The following COQ3 variants were observed in gnomAD, a reference collection of about 807,000 sequenced individuals.
COQ3 encodes the protein coenzyme Q3, methyltransferase, also known as ubiquinone biosynthesis O-methyltransferase, mitochondrial.
A neutral mutation model predicts 33.1 loss-of-function variants in COQ3; 29 were observed. The observed-to-expected ratio is 0.88, with a 90% CI of 0.65 to 1.19. The LOEUF is 1.19. Among genes scored for constraint, COQ3 ranks in the 50% most tolerant of loss-of-function variants. The probability of loss-of-function intolerance (pLI) is 0.00; values close to 1 mark genes in which losing one functional copy is unlikely to be tolerated. For synonymous variants in COQ3, 173 were observed against 157.8 expected, an observed-to-expected ratio of 1.10 and a Z score of -0.72; for missense variants, 437 against 430.7, an observed-to-expected ratio of 1.01 and a Z score of -0.13.
rs961112236 is a variant in COQ3, at chr6:99,375,932, A to C, written c.729+8T>G. 1 of 1,613,634 alleles carries C rather than the reference A, an allele frequency of 6.2e-7. No individual in the cohort carries two copies. The highest frequency in any genetic ancestry group is 1.3e-5 in the African/African-American group (1 of 74,938). On this transcript the variant is annotated splice_region_variant and intron_variant, in intron 5 of 6. Coordinates refer to ENST00000254759, the MANE Select transcript of COQ3 (RefSeq NM_017421.4). ...AAGAAACCAAGATGTAAACTCCATA[A>C]GCCTTACTTTTAACACTTGACAGCA...
At chr6:99,379,809 G>A (rs923529994) in intron 3 of COQ3, among the ~76,000 whole-genome samples, 2 of 151,432 alleles carry the variant, frequency 1.3e-5, no homozygotes, top group African/African-American at 4.9e-5. Context: ...GAATCAAGAC[G>A]GTGACATTGC....
At chr6:99,386,461 A>G (rs1261772347) in intron 1 of COQ3, among the ~76,000 whole-genome samples, 1 of 152,160 alleles carries the variant, frequency 6.6e-6, no homozygotes, top group Non-Finnish European at 1.5e-5. Flanking sequence ...ATAAATAAAA[A>G]TGAAAATCAA....
intron 1 of COQ3, among the ~76,000 whole-genome samples, chr6:99,392,782 C>T (rs1224345898): frequency 2.6e-5 from 4 of 152,104 alleles, no homozygotes; most frequent in South Asian, 2.1e-4. Context: ...CCTGCCGCCA[C>T]GCCCAGCTAA....
chr6:99,377,643 A>G (rs1774335802), intron 3 of COQ3, among the ~76,000 whole-genome samples, 158 bp from the exon 4 acceptor site: 1 of 152,228 alleles, frequency 6.6e-6, no homozygotes, highest in South Asian at 2.1e-4. Flanking sequence ...TTAATTTATA[A>G]AACATTTTCA....
chr6:99,384,132 TG>T (rs1179829071), intron 1 of COQ3, among the ~76,000 whole-genome samples: 2 of 152,178 alleles, frequency 1.3e-5, no homozygotes, highest in Non-Finnish European at 2.9e-5. Flanking sequence ...CTGAAACTCC[TG>T]GGCTCAAGGG....
chr6:99,391,263 T>C (rs1015607896), intron 1 of COQ3, among the ~76,000 whole-genome samples: 1 of 149,416 alleles, frequency 6.7e-6, no homozygotes, highest in Non-Finnish European at 1.5e-5. Flanking sequence ...CATGCCTGGC[T>C]AAATTTTGTA....
At chr6:99,381,212 A>T (rs1582724347) in intron 2 of COQ3, among the ~76,000 whole-genome samples, 1 of 152,310 alleles carries the variant, frequency 6.6e-6, no homozygotes, top group Non-Finnish European at 1.5e-5. Context: ...TCTAACTGGT[A>T]GCTGATTCCT....
At chr6:99,375,639 C>T (rs1307651538) in intron 5 of COQ3, among the ~76,000 whole-genome samples, 1 of 152,136 alleles carries the variant, frequency 6.6e-6, no homozygotes, top group Non-Finnish European at 1.5e-5. Context: ...CCCACCTTGG[C>T]CTCCCAAAGT....
chr6:99,369,725 A>G lies in COQ3; in HGVS notation c.985T>C (p.Tyr329His), dbSNP rs4144164. 0.99 allele frequency: 1,599,019 copies of G among 1,613,722 alleles called. 793,332 individuals are homozygous for G. The highest frequency in any genetic ancestry group is 1 in the East Asian group (44,867 of 44,868). Residue 329 changes from tyrosine to histidine, a missense_variant, in exon 7 of 7, where the codon TAT becomes CAT. Tyr to His is a moderately conservative substitution (Grantham distance 83, BLOSUM62 2). Coordinates refer to ENST00000254759, the MANE Select transcript of COQ3 (RefSeq NM_017421.4). ...SENTSLNYAA[Y>H]AVKSRVQEHP... is the part of the protein sequence containing the mutation. ...TCCTGGACCCTGGATTTCACAGCAT[A>G]AGCTGCATAGTTAAGGCTGGTATTT...
chr6:99,383,590 A>T, intron 2 of COQ3, 108 bp downstream of exon 2: 1 of 784,264 alleles, frequency 1.3e-6, no homozygotes, highest in Non-Finnish European at 1.9e-6. Flanking sequence ...AAGCTACTTT[A>T]ATCAAGACAC....
intron 1 of COQ3, among the ~76,000 whole-genome samples, chr6:99,389,395 G>A (rs918292506): frequency 6.6e-6 from 1 of 152,116 alleles, no homozygotes; most frequent in Non-Finnish European, 1.5e-5. Context: ...AAAGTGTTGG[G>A]AATACAGACG....
intron 3 of COQ3, among the ~76,000 whole-genome samples, chr6:99,377,973 C>G (rs1437650947): frequency 6.6e-6 from 1 of 151,280 alleles, no homozygotes; most frequent in Non-Finnish European, 1.5e-5. Context: ...CATGTATGAG[C>G]ATGTAAACAG....
At chr6:99,379,764 A>T (rs1490389164) in intron 3 of COQ3, among the ~76,000 whole-genome samples, 1 of 152,072 alleles carries the variant, frequency 6.6e-6, no homozygotes, top group Non-Finnish European at 1.5e-5. Flanking sequence ...CTGAGGCAGG[A>T]GAATCGCTTG....
rs537458463 is a variant in COQ3 at position 99,369,631 on chromosome 6, T to C, written c.1079A>G (p.Asn360Ser). The C allele has an allele frequency of 3.4e-4, 542 of 1,614,064 alleles. 6 individuals carry two copies. In the South Asian group the frequency reaches 5.2e-3, roughly 16 times the overall value. ...TEELQANACT[N>S]PAVHEKLKK ...CTTCAGCTTTTCATGCACAGCTGGATTGGTGCAGGCATTAGCTTGGAGCTC... is the reference window on the plus strand; with the variant it reads ...CTTCAGCTTTTCATGCACAGCTGGACTGGTGCAGGCATTAGCTTGGAGCTC... Residue 360 changes from asparagine (N) to serine (S), a missense_variant, in exon 7 of 7, where the codon AAT becomes AGT. Transcript: ENST00000254759.
At chr6:99,382,423 G>C (rs752741587) in intron 2 of COQ3, among the ~76,000 whole-genome samples, 2 of 152,146 alleles carry the variant, frequency 1.3e-5, no homozygotes, top group South Asian at 2.1e-4. Flanking sequence ...CACATAAAGA[G>C]AGCATATTCT....
intron 1 of COQ3, among the ~76,000 whole-genome samples, chr6:99,384,792 A>G (rs1774571676): frequency 6.6e-6 from 1 of 152,162 alleles, no homozygotes; most frequent in Admixed American, 6.6e-5. Context: ...GGGATAATCC[A>G]CCAAGAAGAA....
At chr6:99,385,303 T>C (rs561216439) in intron 1 of COQ3, among the ~76,000 whole-genome samples, 1 of 152,102 alleles carries the variant, frequency 6.6e-6, no homozygotes, top group African/African-American at 2.4e-5. Flanking sequence ...TTCAATAAAA[T>C]CTACTTAAAA....
Position 99,391,098 on chromosome 6 carries a change from T to TATTTATTG in COQ3, c.106+2975_106+2976insCAATAAAT, listed in dbSNP as rs1554209266. On this transcript the variant is annotated intron_variant, in intron 1 of 6. Coordinates refer to ENST00000254759, the MANE Select transcript of COQ3 (RefSeq NM_017421.4). ...CATTTTATTTATTTATTTATTTATT[T>TATTTATTG]ATTTATTTATTTATTTATGAGACAG... 3.5e-3 allele frequency among the ~76,000 whole-genome samples: 471 copies of TATTTATTG among 133,764 alleles called. 5 individuals are homozygous for TATTTATTG. Among genetic ancestry groups the TATTTATTG allele is most frequent in the African/African-American group, 8.7e-3 (344 of 39,402 alleles). The allele number at this position is 133,764 out of a possible 152,430, so 87.8% of individuals were successfully genotyped here.
intron 5 of COQ3, among the ~76,000 whole-genome samples, chr6:99,373,262 C>CA (rs1315321105): frequency 6.6e-6 from 1 of 151,960 alleles, no homozygotes; most frequent in Non-Finnish European, 1.5e-5. Context: ...CGCATCTCTA[C>CA]AAAAAATTTA....
Sources: gnomAD v4.1 joint callset for allele counts (sites outside exome capture counted in the v4.1 genomes callset) on GRCh38, gnomAD v4.1.1 for gene constraint, MANE v1.5 for transcripts, NCBI Gene and HGNC (gene_info 2026-07-23, HGNC 2026-07-21) for gene names.